MYO16: variants seen among roughly 807,000 people sequenced by gnomAD.
MYO16 encodes the protein unconventional myosin-XVI.
In MYO16, 94 loss-of-function variants were observed where a neutral mutation model predicts 205.3. The observed-to-expected ratio is 0.46, with a 90% CI of 0.39 to 0.54. MYO16 has a LOEUF of 0.54. MYO16 is among the 20% of genes least tolerant of loss of function. MYO16 has a pLI of 0.00. For synonymous variants in MYO16, 988 were observed against 954.0 expected (o/e 1.04, Z -0.66); for missense variants, 2,315 against 2,387.5 (o/e 0.97, Z 0.63).
intron 12 of MYO16, among the ~76,000 whole-genome samples, chr13:108,880,821 G>T (rs942530015): frequency 1.1e-4 from 16 of 152,258 alleles, no homozygotes; most frequent in Middle Eastern, 3.4e-3. Context: ...TGTTCTTTTG[G>T]TTTAGGATTG....
In MYO16 at chr13:108,983,555, C is replaced by T. The variant is rs564857488; in HGVS notation, c.2370-8821C>T. Among the ~76,000 whole-genome samples the T allele has an allele frequency of 3.5e-3, 539 of 152,276 alleles. 4 individuals are homozygous for T. Among genetic ancestry groups the T allele is most frequent in the Non-Finnish European group, 5.5e-3 (373 of 68,024 alleles). On this transcript the variant is annotated intron_variant, in intron 20 of 34. Transcript: ENST00000457511. ...CTGAGGACACACTTGAAAAACTCTT[C>T]AATAGCCTATTTAAAAATATTTAGG...
Position 108,806,788 on chromosome 13 carries a change from C to T in MYO16, c.851C>T (p.Ala284Val). 3 of 1,549,814 alleles carry T rather than the reference C, an allele frequency of 1.9e-6. No individual in the cohort carries two copies. Among genetic ancestry groups the T allele is most frequent in the Non-Finnish European group, 2.6e-6 (3 of 1,142,934 alleles). The change falls in exon 7 of 35, where the codon GCA becomes GTA. Residue 284 changes from alanine to valine, a missense_variant. Physicochemically the swap from Ala to Val is moderately conservative, Grantham distance 64 (BLOSUM62 0). This residue lies in a region of MYO16 where 1,213 missense variants were observed against 1,274.4 expected (regional missense o/e 0.95). Transcript: ENST00000457511. ...CAGTACTGGACTCCCCTCCACTTGG[C>T]AGCCAAATATGGCCAGGTAGAGTGA... ...DDQYWTPLHLAAKYGQTNLVK... is the reference protein window; with the variant it reads ...DDQYWTPLHLVAKYGQTNLVK...
intron 3 of MYO16, among the ~76,000 whole-genome samples, chr13:108,726,831 A>G (rs1176109340): frequency 6.6e-6 from 1 of 152,104 alleles, no homozygotes; most frequent in Non-Finnish European, 1.5e-5. Flanking sequence ...TTAGTAAATT[A>G]TTGAACATAT....
chr13:108,700,579 TAGG>T (rs1883270818), intron 2 of MYO16, among the ~76,000 whole-genome samples: 1 of 152,100 alleles, frequency 6.6e-6, no homozygotes, highest in Non-Finnish European at 1.5e-5. Context: ...ACACCATTCT[TAGG>T]AGAATTATCA....
intron 1 of MYO16, among the ~76,000 whole-genome samples, chr13:108,599,060 C>T (rs1032774936): frequency 1.4e-5 from 2 of 143,632 alleles, no homozygotes; most frequent in African/African-American, 5.2e-5. Context: ...TCTCATTGTT[C>T]AATTCCAATC....
chr13:108,507,750 A>G, the MYO16 span, among the ~76,000 whole-genome samples: 2 of 152,008 alleles, frequency 1.3e-5, no homozygotes, highest in Non-Finnish European at 2.9e-5. Flanking sequence ...CTCATAATGC[A>G]TATGTTGGCC....
chr13:108,978,443 C>T (rs1884345727), intron 20 of MYO16, among the ~76,000 whole-genome samples: 1 of 151,986 alleles, frequency 6.6e-6, no homozygotes. Flanking sequence ...TGGATGGATA[C>T]AAATATTTTC....
At chr13:109,073,758 T>C (rs1169958308) in intron 27 of MYO16, among the ~76,000 whole-genome samples, 3 of 152,228 alleles carry the variant, frequency 2.0e-5, no homozygotes, top group Non-Finnish European at 4.4e-5. Context: ...CGGTTAAATA[T>C]ATTCATAACT....
At chr13:109,190,484 A>G (rs976279091) in intron 34 of MYO16, among the ~76,000 whole-genome samples, 6 of 152,186 alleles carry the variant, frequency 3.9e-5, no homozygotes, top group African/African-American at 1.4e-4. Context: ...CATCTTAATC[A>G]CTTTTGAATT....
chr13:108,931,751 G>T (rs971323373), intron 16 of MYO16, among the ~76,000 whole-genome samples: 1 of 152,002 alleles, frequency 6.6e-6, no homozygotes, highest in Non-Finnish European at 1.5e-5. Context: ...CATGGGGGTG[G>T]GTGGGCTTAT....
intron 16 of MYO16, among the ~76,000 whole-genome samples, chr13:108,947,862 T>C (rs1882997112): frequency 6.6e-6 from 1 of 152,258 alleles, no homozygotes; most frequent in Non-Finnish European, 1.5e-5. Context: ...CCGAAGACTT[T>C]CTGAATGTGT....
intron 15 of MYO16, among the ~76,000 whole-genome samples, chr13:108,898,351 A>AGTGTGTGTGTGTGTGTGTGTGTGT (rs3042037): frequency 1.2e-4 from 18 of 144,992 alleles, no homozygotes; most frequent in East Asian, 2.0e-4. Flanking sequence ...AGGGTGTGTG[A>AGTGTGTGTGTGTGTGTGTGTGTGT]GTGTGTGTGT....
intron 4 of MYO16, among the ~76,000 whole-genome samples, chr13:108,734,195 CTTT>C (rs57106194): frequency 6.9e-6 from 1 of 144,968 alleles, no homozygotes; most frequent in Non-Finnish European, 1.5e-5. Flanking sequence ...TATAATATTG[CTTT>C]TTTTTTTTAG....
chr13:108,959,580 A>G (rs190175944), intron 17 of MYO16, among the ~76,000 whole-genome samples: 27 of 152,294 alleles, frequency 1.8e-4, no homozygotes, highest in African/African-American at 5.5e-4. Context: ...GAGTGACTTG[A>G]ATGGTGAGTT....
intron 21 of MYO16, among the ~76,000 whole-genome samples, chr13:108,997,418 A>AAGGAG (rs1885064897): frequency 7.2e-6 from 1 of 139,210 alleles, no homozygotes. Flanking sequence ...GAGGAAAGGA[A>AAGGAG]AGGAAAGGAA....
intron 16 of MYO16, among the ~76,000 whole-genome samples, chr13:108,946,998 C>T (rs543360686): frequency 6.6e-6 from 1 of 152,314 alleles, no homozygotes; most frequent in African/African-American, 2.4e-5. Context: ...TTGTGGGTTA[C>T]ATTCAGCGCG....
At chr13:108,701,963 C>CAAGCAGTGAATTTAAAGATAGATCAATT (rs1883325825) in intron 2 of MYO16, among the ~76,000 whole-genome samples, 1 of 151,368 alleles carries the variant, frequency 6.6e-6, no homozygotes, top group African/African-American at 2.4e-5. Context: ...GCTGGCAAAA[C>CAAGCAGTGAATTTAAAGATAGATCAATT]AAGCAGTGAA....
intron 19 of MYO16, among the ~76,000 whole-genome samples, chr13:108,963,139 C>G (rs981013755): frequency 5.9e-5 from 9 of 152,228 alleles, no homozygotes; most frequent in African/African-American, 2.2e-4. Flanking sequence ...GGTTTTCCCA[C>G]ATGATCTTCA....
chr13:108,783,851 G>C (rs1005475894), intron 4 of MYO16, among the ~76,000 whole-genome samples: 2 of 152,158 alleles, frequency 1.3e-5, no homozygotes, highest in Non-Finnish European at 2.9e-5. Context: ...GCCTCCCCAG[G>C]CTTGTGAAAC....
Sources: allele counts gnomAD v4.1 joint callset (sites outside exome capture counted in the v4.1 genomes callset), GRCh38; gene constraint gnomAD v4.1.1; regional missense constraint gnomAD v4.1.1; transcripts MANE v1.5; gene names NCBI Gene and HGNC (gene_info 2026-07-23, HGNC 2026-07-21).